Variants in TJP2 observed in about 807,000 individuals in gnomAD.
TJP2 encodes Friedreich ataxia region gene X104 (tight junction protein ZO-2).
A neutral mutation model predicts 133.1 loss-of-function variants in TJP2; 91 were observed. That is an observed-to-expected ratio of 0.68 (90% CI 0.58 to 0.81). The LOEUF (loss-of-function observed/expected upper bound fraction) is 0.81, where lower values mean the gene tolerates loss of function less well. TJP2 is among the 40% of genes least tolerant of loss of function. The pLI, the probability that TJP2 is intolerant of heterozygous loss-of-function variation, is 0.00. For missense variants in TJP2, 1,541 were observed against 1,565.6 expected (o/e 0.98, Z 0.26); for synonymous variants, 592 against 583.4 (o/e 1.01, Z -0.21).
At chr9:69,179,751 G>A (rs1004814227) in intron 1 of TJP2, among the ~76,000 whole-genome samples, 12 of 152,016 alleles carry the variant, frequency 7.9e-5, no homozygotes, top group African/African-American at 2.9e-4. Context: ...CACCCGCCTC[G>A]GCCTCCCAAA....
At chr9:69,191,274 T>C (rs1306369867) in intron 1 of TJP2, among the ~76,000 whole-genome samples, 1 of 152,248 alleles carries the variant, frequency 6.6e-6, no homozygotes, top group African/African-American at 2.4e-5. Flanking sequence ...AGAAAGGCTA[T>C]AAAACTGCAA....
chr9:69,228,923 A>T (rs1393636428), intron 9 of TJP2, among the ~76,000 whole-genome samples: 1 of 152,064 alleles, frequency 6.6e-6, no homozygotes, highest in Admixed American at 6.6e-5. Flanking sequence ...TATGTTTTTT[A>T]AGTTGTTAAA....
chr9:69,217,104 C>T (rs1290006181), intron 3 of TJP2, among the ~76,000 whole-genome samples: 1 of 151,900 alleles, frequency 6.6e-6, no homozygotes, highest in African/African-American at 2.4e-5. Flanking sequence ...TTCTCTTCTG[C>T]CTCAGCCACC....
upstream of TJP2, among the ~76,000 whole-genome samples, chr9:69,169,370 G>A (rs1014737788): frequency 2.3e-3 from 124 of 53,240 alleles, 1 homozygote; most frequent in African/African-American, 7.0e-3. Context: ...TTTTTTTTTT[G>A]GGGGGGGGAT....
At chr9:69,132,545 G>T (rs979367423) in intron 1 of TJP2, among the ~76,000 whole-genome samples, 1 of 152,188 alleles carries the variant, frequency 6.6e-6, no homozygotes, top group Non-Finnish European at 1.5e-5. Flanking sequence ...TGATAACTGG[G>T]ATTCCTGCAC....
chr9:69,185,342 G>A (rs1825788269), intron 1 of TJP2, among the ~76,000 whole-genome samples: 2 of 152,206 alleles, frequency 1.3e-5, no homozygotes, highest in South Asian at 2.1e-4. Flanking sequence ...GATTATAGGC[G>A]TGAGCCACCG....
intron 1 of TJP2, among the ~76,000 whole-genome samples, chr9:69,175,492 C>A (rs773209134): frequency 6.6e-6 from 1 of 152,196 alleles, no homozygotes; most frequent in Non-Finnish European, 1.5e-5. Flanking sequence ...GGCAGGAGAT[C>A]GCTTGAAGTG....
chr9:69,210,879 A>G (rs1827853871), intron 1 of TJP2, among the ~76,000 whole-genome samples: 1 of 151,122 alleles, frequency 6.6e-6, no homozygotes, highest in Admixed American at 6.6e-5. Flanking sequence ...GGCATGTGCC[A>G]CCATGCCTGG....
In TJP2 at chr9:69,156,984, T is replaced by C. The variant is rs368465959; in HGVS notation, c.-10+5213T>C. The stretch of plus-strand genomic sequence containing the variant: ...CCTCCAAGTAACAGGCTTTAGAGAA[T>C]AAACTGTAAACATTTCTTATCAGAC... On this transcript the variant is annotated intron_variant, in intron 2 of 5. Coordinates refer to the TJP2 transcript ENST00000423935. 3.2e-4 allele frequency among the ~76,000 whole-genome samples: 48 copies of C among 152,264 alleles called. No homozygotes were observed. In the South Asian group the frequency reaches 5.6e-3, roughly 18 times the overall value.
At chr9:69,196,946 T>TGTGTAC (rs796739890) in intron 1 of TJP2, among the ~76,000 whole-genome samples, 35 of 134,232 alleles carry the variant, frequency 2.6e-4, no homozygotes, top group African/African-American at 9.3e-4. Context: ...TGTGTGTGTG[T>TGTGTAC]ACACACACAC....
chr9:69,206,553 T>TTTTATTTA (rs34725985), intron 1 of TJP2, among the ~76,000 whole-genome samples: 251 of 149,476 alleles, frequency 1.7e-3, no homozygotes, highest in Non-Finnish European at 2.7e-3. Context: ...TCTCCCTATT[T>TTTTATTTA]TTTATTTATT....
intron 5 of TJP2, 47 bp downstream of exon 5, chr9:69,221,543 A>G: frequency 6.4e-7 from 1 of 1,572,806 alleles, no homozygotes; most frequent in Non-Finnish European, 8.6e-7. Context: ...TGATATGAAT[A>G]ACCTTTGTTT....
chr9:69,165,700 A>C (rs905662288), intron 2 of TJP2, among the ~76,000 whole-genome samples: 3 of 152,176 alleles, frequency 2.0e-5, no homozygotes, highest in African/African-American at 7.2e-5. Flanking sequence ...TATATTCTGC[A>C]GTGTAAACAG....
At chr9:69,162,039 C>T (rs1420927427) in intron 2 of TJP2, among the ~76,000 whole-genome samples, 2 of 148,860 alleles carry the variant, frequency 1.3e-5, no homozygotes, top group African/African-American at 4.9e-5. Flanking sequence ...AGCAAAAACT[C>T]CATCTCAAAT....
intron 1 of TJP2, among the ~76,000 whole-genome samples, chr9:69,185,276 G>A (rs1825784442): frequency 6.6e-6 from 1 of 152,110 alleles, no homozygotes. Flanking sequence ...TGGCCAGGCT[G>A]GTCTCGAACT....
At chr9:69,144,745 T>C (rs959016918) in intron 1 of TJP2, among the ~76,000 whole-genome samples, 1 of 152,208 alleles carries the variant, frequency 6.6e-6, no homozygotes, top group Non-Finnish European at 1.5e-5. Flanking sequence ...TGAAGAGCCC[T>C]CTCCATGTGG....
In TJP2 at chr9:69,254,498, C is replaced by G. The variant is rs757235477; in HGVS notation, c.*124C>G. ...ATGGAGACGTGGTGGGACTCCAGCT[C>G]GTGTGTCCTCATGGAGAACCCAGGG... is the stretch of plus-strand genomic sequence containing the variant. On this transcript the variant is annotated 3_prime_UTR_variant, in exon 23 of 23. Transcript: ENST00000377245. The G allele has an allele frequency of 4.7e-6, 6 of 1,267,962 alleles. No individual in the cohort carries two copies. The highest frequency in any genetic ancestry group is 5.6e-6 in the Non-Finnish European group (5 of 894,092). The allele number at this position is 1,267,962 out of a possible 1,614,324, so 78.5% of individuals were successfully genotyped here.
intron 1 of TJP2, among the ~76,000 whole-genome samples, chr9:69,208,978 G>C (rs1055575286): frequency 6.6e-6 from 1 of 152,106 alleles, no homozygotes; most frequent in Non-Finnish European, 1.5e-5. Context: ...GGAGAAGTGG[G>C]CATGCTCATA....
chr9:69,169,974 G>A (rs1824589607), upstream of TJP2, among the ~76,000 whole-genome samples: 1 of 152,062 alleles, frequency 6.6e-6, no homozygotes, highest in African/African-American at 2.4e-5. Flanking sequence ...TCGAGTAGCT[G>A]GGACTACAGG....
Sources: allele counts gnomAD v4.1 joint callset (sites outside exome capture counted in the v4.1 genomes callset), GRCh38; gene constraint gnomAD v4.1.1; transcripts MANE v1.5; gene names NCBI Gene and HGNC (gene_info 2026-07-23, HGNC 2026-07-21).